Variants in RASGEF1C observed in about 807,000 individuals in gnomAD.
RASGEF1C encodes the protein ras-GEF domain-containing family member 1C.
In RASGEF1C, 27 loss-of-function variants were observed where a neutral mutation model predicts 58.1. The observed-to-expected ratio is 0.46, with a 90% CI of 0.34 to 0.64. RASGEF1C has a LOEUF of 0.64. RASGEF1C is among the 30% of genes least tolerant of loss of function. The probability of loss-of-function intolerance (pLI) is 0.01; values close to 1 mark genes in which losing one functional copy is unlikely to be tolerated. For synonymous variants in RASGEF1C, 243 were observed against 246.3 expected, an observed-to-expected ratio of 0.99 and a Z score of 0.13; for missense variants, 502 against 605.1, an observed-to-expected ratio of 0.83 and a Z score of 1.79.
At chr5:180,203,857 G>C (rs1210256276) in intron 1 of RASGEF1C, among the ~76,000 whole-genome samples, 1 of 152,152 alleles carries the variant, frequency 6.6e-6, no homozygotes, top group Non-Finnish European at 1.5e-5. Context: ...ACCGGGCATG[G>C]TGGTGCACGC....
rs752355899 is a variant in RASGEF1C, at chr5:180,198,680, C to T, written c.-7+10348G>A. Reference sequence around the variant, plus strand: ...GGCTCCACCTCTCAATACAATCACACTGGCAATTACGTTTCAATATATACC... The same window carrying T: ...GGCTCCACCTCTCAATACAATCACATTGGCAATTACGTTTCAATATATACC... On this transcript the variant is annotated intron_variant, in intron 1 of 13. Coordinates refer to ENST00000361132, the MANE Select transcript of RASGEF1C (RefSeq NM_175062.4). This position sits in a 1 kb window ranked among gnomAD's most constrained non-coding sequence, Gnocchi z 4.5. 6.6e-6 allele frequency among the ~76,000 whole-genome samples: 1 copy of T among 152,194 alleles called. No homozygotes were observed. The highest frequency in any genetic ancestry group is 2.4e-5 in the African/African-American group (1 of 41,440).
In RASGEF1C at chr5:180,101,490, G is replaced by A; in HGVS notation, c.*11C>T. 6.2e-7 allele frequency: 1 copy of A among 1,610,912 alleles called. No individual in the cohort carries two copies. On this transcript the variant is annotated 3_prime_UTR_variant, in exon 14 of 14. Transcript: ENST00000361132. Reference sequence around the variant, plus strand: ...GGCTCCAGCTCTTCCTCGTCCCTCAGCTCAGCGCTTTCATGTCTTCCCCAA... The same window carrying A: ...GGCTCCAGCTCTTCCTCGTCCCTCAACTCAGCGCTTTCATGTCTTCCCCAA...
chr5:180,179,418 G>T (rs139266359), intron 1 of RASGEF1C, among the ~76,000 whole-genome samples: 1 of 152,092 alleles, frequency 6.6e-6, no homozygotes, highest in Non-Finnish European at 1.5e-5. Flanking sequence ...TGGGCCAGTG[G>T]TGCACAGGGA....
At chr5:180,191,406 G>A (rs1442437508) in intron 1 of RASGEF1C, among the ~76,000 whole-genome samples, 3 of 151,904 alleles carry the variant, frequency 2.0e-5, no homozygotes, top group Middle Eastern at 3.2e-3. Context: ...GCCCAGGCTG[G>A]AGTGCAGTGG....
intron 6 of RASGEF1C, among the ~76,000 whole-genome samples, chr5:180,122,740 T>TAAAAAAAAAAAAA (rs35004526): frequency 8.6e-6 from 1 of 115,950 alleles, no homozygotes; most frequent in Non-Finnish European, 1.7e-5. Flanking sequence ...AAACTTCATC[T>TAAAAAAAAAAAAA]AAAAAAAAAA....
intron 6 of RASGEF1C, among the ~76,000 whole-genome samples, chr5:180,121,685 T>C (rs1213383725): frequency 7.6e-6 from 1 of 132,200 alleles, no homozygotes; most frequent in African/African-American, 3.0e-5. Flanking sequence ...ACACACACCC[T>C]CATTATTCCT....
intron 1 of RASGEF1C, among the ~76,000 whole-genome samples, chr5:180,194,111 C>G (rs1206956434): frequency 2.6e-5 from 4 of 151,924 alleles, no homozygotes; most frequent in Admixed American, 2.6e-4. Context: ...CTTGGGGTGT[C>G]CTCCCTGCTT....
At position 180,137,064 on chromosome 5, in the gene RASGEF1C, G is replaced by C. The variant is rs1346240454; in HGVS notation, c.300+526C>G. On this transcript the variant is annotated intron_variant, in intron 3 of 13. Transcript: ENST00000361132. The surrounding 1 kb of genome is among the most constrained non-coding windows in gnomAD (Gnocchi z 4.1). ...CAGCCCCGGGAAGCGGCAGCAGAGG[G>C]CGGGAGGGAGACAGGCCACGGTGCA... 6.6e-6 allele frequency among the ~76,000 whole-genome samples: 1 copy of C among 152,208 alleles called. No homozygotes were observed. The highest frequency in any genetic ancestry group is 1.5e-5 in the Non-Finnish European group (1 of 68,026).
intron 1 of RASGEF1C, among the ~76,000 whole-genome samples, chr5:180,199,724 C>A (rs188554721): frequency 6.9e-6 from 1 of 144,796 alleles, no homozygotes; most frequent in Non-Finnish European, 1.5e-5. Context: ...CCTTCTTTCC[C>A]GGATGGGATC....
chr5:180,184,995 G>A (rs1000183854), intron 1 of RASGEF1C, among the ~76,000 whole-genome samples: 3 of 152,160 alleles, frequency 2.0e-5, no homozygotes, highest in Admixed American at 6.5e-5. Flanking sequence ...CCAGCAGATA[G>A]AAAATCATGA....
At position 180,119,029 on chromosome 5, in the gene RASGEF1C, TAG is replaced by T. The variant is rs1561733495; in HGVS notation, c.908-165_908-164del. On this transcript the variant is annotated intron_variant, in intron 8 of 13. Coordinates refer to ENST00000361132, the MANE Select transcript of RASGEF1C (RefSeq NM_175062.4). ...GGTGCTGGTGGACATCATGGTCAGG[TAG>T]GCCTGCTGCCACCATGCTGGTCCCA... 1.7e-4 allele frequency among the ~76,000 whole-genome samples: 26 copies of T among 152,272 alleles called. No individual in the cohort carries two copies. The East Asian group carries it at 4.4e-3, about 26-fold the overall frequency.
At chr5:180,106,292 T>C (rs879840090) in intron 12 of RASGEF1C, among the ~76,000 whole-genome samples, 7 of 152,232 alleles carry the variant, frequency 4.6e-5, no homozygotes, top group Admixed American at 3.9e-4. Flanking sequence ...ACGGGTTCAT[T>C]GATTTCTGCT....
intron 1 of RASGEF1C, among the ~76,000 whole-genome samples, chr5:180,166,614 A>C (rs755616307): frequency 1.3e-4 from 20 of 151,260 alleles, no homozygotes; most frequent in Admixed American, 7.9e-4. Flanking sequence ...CTCCTGGATT[A>C]AGGCGATTCT....
chr5:180,123,040 A>T (rs561931431), intron 6 of RASGEF1C, among the ~76,000 whole-genome samples: 10 of 152,310 alleles, frequency 6.6e-5, no homozygotes, highest in African/African-American at 2.4e-4. Context: ...AAAAGAGAAA[A>T]ATATATCTGA....
chr5:180,103,057 T>A (rs750239746), intron 12 of RASGEF1C, among the ~76,000 whole-genome samples: 9 of 152,176 alleles, frequency 5.9e-5, no homozygotes, highest in Admixed American at 3.9e-4. Flanking sequence ...TTTATCTACA[T>A]CTTTCTTGAT....
intron 1 of RASGEF1C, among the ~76,000 whole-genome samples, chr5:180,161,236 G>T (rs993574658): frequency 1.3e-5 from 2 of 152,250 alleles, no homozygotes; most frequent in South Asian, 2.1e-4. Context: ...GGGAGAGGAA[G>T]AAGGTGCAGG....
rs1361281782 is a variant in RASGEF1C at position 180,208,542 on chromosome 5, C to T, written c.-7+486G>A. Among the ~76,000 whole-genome samples, 4 of 152,168 alleles carry T rather than the reference C, an allele frequency of 2.6e-5. No individual in the cohort carries two copies. The South Asian group carries it at 6.2e-4, about 24-fold the overall frequency. ...TCTCGCAGGCCCTCTGATAGTGGCGCTGGTCCTTTCCTCAAATCCGATCCC... is the reference window on the plus strand; with the variant it reads ...TCTCGCAGGCCCTCTGATAGTGGCGTTGGTCCTTTCCTCAAATCCGATCCC... On this transcript the variant is annotated intron_variant, in intron 1 of 13. Transcript: ENST00000361132.
intron 4 of RASGEF1C, among the ~76,000 whole-genome samples, chr5:180,134,544 T>A (rs1766432662): frequency 6.6e-6 from 1 of 150,426 alleles, no homozygotes; most frequent in South Asian, 2.1e-4. Context: ...GCACCCACCA[T>A]CCCCACACTC....
intron 1 of RASGEF1C, among the ~76,000 whole-genome samples, chr5:180,202,847 T>C (rs946648885): frequency 1.3e-5 from 2 of 152,058 alleles, no homozygotes; most frequent in South Asian, 2.1e-4. Context: ...GGATTACAGG[T>C]GCCCGCCACC....
Sources: allele counts gnomAD v4.1 joint callset (sites outside exome capture counted in the v4.1 genomes callset), GRCh38; gene constraint gnomAD v4.1.1; non-coding constraint Gnocchi (gnomAD v3.1); transcripts MANE v1.5; gene names NCBI Gene and HGNC (gene_info 2026-07-23, HGNC 2026-07-21).